CDK14: variants seen among roughly 807,000 people sequenced by gnomAD.
CDK14 encodes the protein cyclin dependent kinase 14, also known as cyclin-dependent kinase 14.
In CDK14, 34 loss-of-function variants were observed where a neutral mutation model predicts 60.7. The ratio of observed to expected loss-of-function variants is 0.56; its 90% confidence interval spans 0.43 to 0.75. CDK14 has a LOEUF of 0.75. CDK14 is among the 30% of genes least tolerant of loss of function. The probability of loss-of-function intolerance (pLI) is 0.00; values close to 1 mark genes in which losing one functional copy is unlikely to be tolerated. For missense variants in CDK14, 482 were observed against 564.1 expected, an observed-to-expected ratio of 0.85 and a Z score of 1.47; for synonymous variants, 197 against 203.7, an observed-to-expected ratio of 0.97 and a Z score of 0.28.
chr7:90,728,224 T>G (rs1220220571), intron 3 of CDK14, among the ~76,000 whole-genome samples: 1 of 152,080 alleles, frequency 6.6e-6, no homozygotes, highest in East Asian at 1.9e-4. Context: ...TCATCCTTTT[T>G]CTTGGTATCA....
At chr7:91,057,750 G>A (rs1161523066) in intron 11 of CDK14, among the ~76,000 whole-genome samples, 1 of 152,106 alleles carries the variant, frequency 6.6e-6, no homozygotes, top group East Asian at 1.9e-4. Context: ...GCTCTGTTCT[G>A]TTCCATTGGT....
intron 2 of CDK14, among the ~76,000 whole-genome samples, chr7:90,660,131 A>G (rs1800839442): frequency 6.6e-6 from 1 of 152,192 alleles, no homozygotes; most frequent in Non-Finnish European, 1.5e-5. Flanking sequence ...GGATCCATGC[A>G]TAATCATTTT....
intron 4 of CDK14, among the ~76,000 whole-genome samples, chr7:90,780,233 T>C (rs895880397): frequency 1.1e-4 from 16 of 152,252 alleles, no homozygotes; most frequent in Middle Eastern, 6.8e-3. Flanking sequence ...TCAAATCAAC[T>C]ACAATATTTA....
rs373874746 is a variant in CDK14, at chr7:90,899,340, C to T, written c.689C>T (p.Pro230Leu). ...YMDKHPGGLH[P>L]DNVKLFLFQL... Reference sequence around the variant, plus strand: ...GACAAGCACCCTGGGGGGCTGCATCCAGATAATGTGAAGGTAGGAAAAGAT... The same window carrying T: ...GACAAGCACCCTGGGGGGCTGCATCTAGATAATGTGAAGGTAGGAAAAGAT... Residue 230 changes from proline (P) to leucine (L), a missense_variant, in exon 7 of 15, where the codon CCA (proline) becomes CTA (leucine). Coordinates refer to ENST00000380050, the MANE Select transcript of CDK14 (RefSeq NM_001287135.2). 6 of 1,598,614 alleles carry T rather than the reference C, an allele frequency of 3.8e-6. No individual in the cohort carries two copies. The highest frequency in any genetic ancestry group is 5.1e-6 in the Non-Finnish European group (6 of 1,173,602).
chr7:90,773,424 C>T (rs766628967), intron 4 of CDK14, among the ~76,000 whole-genome samples: 8 of 152,194 alleles, frequency 5.3e-5, no homozygotes, highest in Admixed American at 3.3e-4. Flanking sequence ...GAGGTATTAG[C>T]GTGATTAAAT....
chr7:91,102,417 T>C (rs1799171061), intron 12 of CDK14, among the ~76,000 whole-genome samples: 1 of 152,208 alleles, frequency 6.6e-6, no homozygotes, highest in Non-Finnish European at 1.5e-5. Flanking sequence ...TGTATCTCCA[T>C]TGAATGGTCT....
intron 4 of CDK14, among the ~76,000 whole-genome samples, chr7:90,762,950 G>A (rs1554331818): frequency 6.6e-6 from 1 of 152,152 alleles, no homozygotes; most frequent in Non-Finnish European, 1.5e-5. Context: ...CTGCACTCCA[G>A]CCTGGGCAAG....
chr7:91,031,752 C>G (rs1796766152), intron 10 of CDK14, among the ~76,000 whole-genome samples: 1 of 152,180 alleles, frequency 6.6e-6, no homozygotes, highest in Non-Finnish European at 1.5e-5. Context: ...AGGATAAACA[C>G]TGTTACATTT....
At chr7:91,054,669 G>T (rs1442001414) in intron 11 of CDK14, among the ~76,000 whole-genome samples, 4 of 152,184 alleles carry the variant, frequency 2.6e-5, no homozygotes, top group Non-Finnish European at 5.9e-5. Context: ...TTATGAGCTT[G>T]GATTCCTGTT....
At chr7:90,686,979 T>C (rs192445095) in intron 2 of CDK14, among the ~76,000 whole-genome samples, 179 of 152,216 alleles carry the variant, frequency 1.2e-3, no homozygotes, top group Non-Finnish European at 2.0e-3. Context: ...CAGAGAGGAA[T>C]AAAAGACTTA....
chr7:90,995,584 C>T (rs1431870691), intron 10 of CDK14, among the ~76,000 whole-genome samples: 1 of 152,088 alleles, frequency 6.6e-6, no homozygotes, highest in Non-Finnish European at 1.5e-5. Context: ...ATCCCATGAC[C>T]AAGAAAGAGT....
chr7:91,149,371 C>T (rs1800762257), intron 14 of CDK14, among the ~76,000 whole-genome samples: 1 of 151,934 alleles, frequency 6.6e-6, no homozygotes, highest in Non-Finnish European at 1.5e-5. Context: ...TCCCTTTGTG[C>T]CACCTTACTT....
intron 8 of CDK14, among the ~76,000 whole-genome samples, chr7:90,944,605 C>T (rs970587153): frequency 1.3e-5 from 2 of 152,044 alleles, no homozygotes; most frequent in East Asian, 1.9e-4. Flanking sequence ...TAGTGATGCA[C>T]GCCTGTAGCC....
intron 11 of CDK14, among the ~76,000 whole-genome samples, chr7:91,070,976 C>CA (rs1404124649): frequency 6.6e-6 from 1 of 152,054 alleles, no homozygotes; most frequent in East Asian, 1.9e-4. Context: ...ATAAAGGTGT[C>CA]ACTTCAAATT....
At chr7:91,173,291 C>T (rs994151803) in intron 14 of CDK14, among the ~76,000 whole-genome samples, 2 of 152,164 alleles carry the variant, frequency 1.3e-5, no homozygotes, top group East Asian at 1.9e-4. Context: ...TTAAGAGGTA[C>T]ATTCCCAATT....
intron 12 of CDK14, among the ~76,000 whole-genome samples, chr7:91,091,817 C>T (rs1340006264): frequency 2.1e-4 from 31 of 150,452 alleles, no homozygotes; most frequent in African/African-American, 7.3e-4. Flanking sequence ...TTCTCTCTTT[C>T]ATTTCTTTAA....
chr7:90,644,163 G>T (rs17865395), intron 2 of CDK14, among the ~76,000 whole-genome samples: 128 of 152,316 alleles, frequency 8.4e-4, no homozygotes, highest in African/African-American at 3.0e-3. Context: ...GTCCTGACCA[G>T]GAACCAAACC....
chr7:91,162,717 C>T (rs1801209498), intron 14 of CDK14, among the ~76,000 whole-genome samples: 2 of 152,294 alleles, frequency 1.3e-5, no homozygotes, highest in African/African-American at 4.8e-5. Context: ...TCATATCTAC[C>T]TCATAGTATC....
At chr7:90,807,508 G>C (rs1788903353) in intron 5 of CDK14, among the ~76,000 whole-genome samples, 1 of 152,150 alleles carries the variant, frequency 6.6e-6, no homozygotes, top group Non-Finnish European at 1.5e-5. Context: ...AAACCACAAA[G>C]ATGGGGAAAA....
Sources: gnomAD v4.1 joint callset for allele counts (sites outside exome capture counted in the v4.1 genomes callset) on GRCh38, gnomAD v4.1.1 for gene constraint, MANE v1.5 for transcripts, NCBI Gene and HGNC (gene_info 2026-07-23, HGNC 2026-07-21) for gene names.